FAM167A: variants seen among roughly 807,000 people sequenced by gnomAD.
FAM167A encodes protein FAM167A.
A neutral mutation model predicts 14.9 loss-of-function variants in FAM167A; 23 were observed. The ratio of observed to expected loss-of-function variants is 1.55; its 90% CI spans 1.11 to 2.19. The LOEUF (loss-of-function observed/expected upper bound fraction) is 2.19, where lower values mean the gene tolerates loss of function less well. Among genes scored for constraint, FAM167A ranks in the 30% most tolerant of loss-of-function variants. The probability of loss-of-function intolerance (pLI) is 0.00; values close to 1 mark genes in which losing one functional copy is unlikely to be tolerated. For synonymous variants in FAM167A, 174 were observed against 117.7 expected (o/e 1.48, Z -3.10); for missense variants, 401 against 281.5 (o/e 1.42, Z -3.04).
chr8:11,468,496 C>G (rs188875163), upstream of FAM167A, among the ~76,000 whole-genome samples: 365 of 152,366 alleles, frequency 2.4e-3, 2 homozygotes, highest in African/African-American at 8.4e-3. Context: ...ATGTGTCTCC[C>G]TCTGAGGCAG....
intron 2 of FAM167A, among the ~76,000 whole-genome samples, chr8:11,440,284 G>A (rs1447080917): frequency 1.3e-5 from 2 of 152,202 alleles, no homozygotes; most frequent in Non-Finnish European, 2.9e-5. Flanking sequence ...TCTTAGCTGG[G>A]AGTCGCACTA....
intron 1 of FAM167A, among the ~76,000 whole-genome samples, chr8:11,464,754 C>T (rs927029857): frequency 6.6e-6 from 1 of 152,190 alleles, no homozygotes; most frequent in Non-Finnish European, 1.5e-5. Flanking sequence ...GTAGGGCCAA[C>T]GGGGCTTTCT....
intron 1 of FAM167A, among the ~76,000 whole-genome samples, chr8:11,449,803 G>A (rs1024239362): frequency 3.3e-5 from 5 of 152,222 alleles, no homozygotes; most frequent in African/African-American, 1.2e-4. Flanking sequence ...CGGCTCCTTG[G>A]AGGAGCCTTC....
In FAM167A at chr8:11,424,046, C is replaced by G; in HGVS notation, c.*327G>C. On this transcript the variant is annotated 3_prime_UTR_variant, in exon 3 of 3. Coordinates refer to ENST00000284486, the MANE Select transcript of FAM167A (RefSeq NM_053279.3). ...TCCCTTTGGGAATCCCAGTTCATAGCACCAGTGATTCCAGGAAACAGGAAC... is the reference window on the plus strand; with the variant it reads ...TCCCTTTGGGAATCCCAGTTCATAGGACCAGTGATTCCAGGAAACAGGAAC... The G allele has an allele frequency of 3.6e-6, 1 of 281,300 alleles. No homozygotes were observed. Among genetic ancestry groups the G allele is most frequent in the South Asian group, 6.6e-5 (1 of 15,098 alleles). The allele number at this position is 281,300 out of a possible 1,614,324, so 17.4% of individuals were successfully genotyped here. A position where few individuals can be genotyped will look rare whatever the true frequency, so the allele number is the denominator to read the frequency against.
intron 2 of FAM167A, among the ~76,000 whole-genome samples, chr8:11,425,411 G>A (rs1210009446): frequency 6.6e-6 from 1 of 152,200 alleles, no homozygotes; most frequent in Non-Finnish European, 1.5e-5. Flanking sequence ...GAACCAAAAT[G>A]ACTGACAATG....
chr8:11,471,036 G>A (rs928725237), upstream of FAM167A, among the ~76,000 whole-genome samples: 10 of 152,230 alleles, frequency 6.6e-5, no homozygotes, highest in Admixed American at 6.5e-4. Flanking sequence ...AGACATGGGA[G>A]TGTGGCGCAC....
At chr8:11,470,212 G>T (rs1032384408), upstream of FAM167A, among the ~76,000 whole-genome samples, 5 of 152,202 alleles carry the variant, frequency 3.3e-5, no homozygotes, top group African/African-American at 1.2e-4. Flanking sequence ...GGGGAAGAGT[G>T]TGCACGTTTT....
At chr8:11,427,689 G>C (rs1235813093) in intron 2 of FAM167A, among the ~76,000 whole-genome samples, 5 of 152,168 alleles carry the variant, frequency 3.3e-5, no homozygotes, top group Non-Finnish European at 7.3e-5. Flanking sequence ...CACTTGTACA[G>C]ATCTCTTTTC....
chr8:11,431,136 C>T (rs111868326), intron 2 of FAM167A, among the ~76,000 whole-genome samples: 1 of 152,208 alleles, frequency 6.6e-6, no homozygotes, highest in Non-Finnish European at 1.5e-5. Context: ...ATAGGCGGAA[C>T]CAACCCAGTG....
intron 1 of FAM167A, among the ~76,000 whole-genome samples, chr8:11,465,723 A>G (rs987109533): frequency 6.6e-6 from 1 of 152,208 alleles, no homozygotes; most frequent in Non-Finnish European, 1.5e-5. Context: ...TGTCAGTGGG[A>G]AGCTGCTTTG....
chr8:11,442,750 G>A (rs918990762), intron 2 of FAM167A, among the ~76,000 whole-genome samples: 9 of 151,682 alleles, frequency 5.9e-5, no homozygotes, highest in East Asian at 3.9e-4. Flanking sequence ...GCTCAAACCC[G>A]CAGGTGCCTC....
At chr8:11,447,763 G>A (rs1806848221) in intron 1 of FAM167A, among the ~76,000 whole-genome samples, 1 of 152,326 alleles carries the variant, frequency 6.6e-6, no homozygotes, top group East Asian at 1.9e-4. Context: ...GGCAGCCATT[G>A]GCTTTGTGAC....
chr8:11,459,861 A>G (rs969490947), intron 1 of FAM167A, among the ~76,000 whole-genome samples: 41 of 152,016 alleles, frequency 2.7e-4, no homozygotes, highest in African/African-American at 7.2e-5. Context: ...GATTACAGGC[A>G]CCCACCACCA....
chr8:11,432,493 A>G (rs1220721260), intron 2 of FAM167A, among the ~76,000 whole-genome samples: 1 of 152,248 alleles, frequency 6.6e-6, no homozygotes, highest in Admixed American at 6.5e-5. Flanking sequence ...GTCATTAGAG[A>G]AATGCAAATC....
At chr8:11,442,133 C>T (rs945986567) in intron 2 of FAM167A, among the ~76,000 whole-genome samples, 2 of 152,230 alleles carry the variant, frequency 1.3e-5, no homozygotes, top group Non-Finnish European at 2.9e-5. Flanking sequence ...GAGCCTGGCT[C>T]TACACATCAC....
rs538313075 is a variant in FAM167A, at chr8:11,444,044, A to G, written c.368T>C (p.Leu123Pro). 1.9e-6 allele frequency: 3 copies of G among 1,612,454 alleles called. No individual in the cohort carries two copies. In the South Asian group the frequency reaches 3.3e-5, roughly 18 times the overall value. Residue 123 changes from leucine to proline, a missense_variant, in exon 2 of 3, where the codon CTC (leucine) becomes CCC (proline). Physicochemically the swap from Leu to Pro is moderately conservative, Grantham distance 98. Coordinates refer to ENST00000284486, the MANE Select transcript of FAM167A (RefSeq NM_053279.3). ...GCAGCCACTCACCAGTTCCTTCCTG[A>G]GCCAGGCTATAGCTTCATCGATGCT... is the stretch of plus-strand genomic sequence containing the variant. ...FQSIDEAIAW[L>P]RKELTEMRLQ... is the part of the protein sequence containing the mutation.
intron 2 of FAM167A, among the ~76,000 whole-genome samples, chr8:11,425,644 T>G (rs1277164300): frequency 1.3e-5 from 2 of 150,954 alleles, no homozygotes; most frequent in African/African-American, 4.9e-5. Context: ...GTGATGGGAA[T>G]GGAGTTCAGA....
rs772753147 is a variant in FAM167A, at chr8:11,444,235, G to A, written c.177C>T (p.Pro59=). ...WQARLEEHTW[P]FPRPAAEPQA... ...GTGGCTCCGCAGCCGGCCTCGGGAA[G>A]GGCCAGGTATGCTCCTCCAGCCTGG... Residue 59 remains proline (P), a synonymous_variant, in exon 2 of 3, where the codon CCC becomes CCT. Transcript: ENST00000284486. The A allele has an allele frequency of 5.0e-6, 8 of 1,611,684 alleles. No homozygotes were observed. The highest frequency in any genetic ancestry group is 1.3e-5 in the African/African-American group (1 of 74,812).
At position 11,424,253 on chromosome 8, in the gene FAM167A, G is replaced by A. The variant is rs905824381; in HGVS notation, c.*120C>T. On this transcript the variant is annotated 3_prime_UTR_variant, in exon 3 of 3. Coordinates refer to ENST00000284486, the MANE Select transcript of FAM167A (RefSeq NM_053279.3). ...GAATAGGTCCTGGGGCCCTTGAGTC[G>A]CCAGTCCCAGGGACCCCTGCCTCCG... 4.9e-5 allele frequency: 67 copies of A among 1,374,994 alleles called. No homozygotes were observed. In the Middle Eastern group the frequency reaches 1.8e-3, roughly 37 times the overall value. The allele number at this position is 1,374,994 out of a possible 1,614,324, so 85.2% of individuals were successfully genotyped here. A position where few individuals can be genotyped will look rare whatever the true frequency, so the allele number is the denominator to read the frequency against.
Sources: gnomAD v4.1 joint callset for allele counts (sites outside exome capture counted in the v4.1 genomes callset) on GRCh38, gnomAD v4.1.1 for gene constraint, MANE v1.5 for transcripts, NCBI Gene and HGNC (gene_info 2026-07-23, HGNC 2026-07-21) for gene names.